The following SASH1 variants were observed in gnomAD, a reference collection of about 807,000 sequenced individuals.
SASH1 encodes the protein SAM and SH3 domain-containing protein 1.
SASH1 carries 44 observed loss-of-function variants against 125.2 expected under a neutral mutation model. The observed-to-expected ratio is 0.35, with a 90% confidence interval of 0.28 to 0.45. SASH1 has a LOEUF of 0.45. SASH1 is among the 20% of genes least tolerant of loss of function. The pLI is 1.00. For missense variants in SASH1, 1,426 were observed against 1,614.5 expected, an observed-to-expected ratio of 0.88 and a Z score of 2.00; for synonymous variants, 639 against 649.1, an observed-to-expected ratio of 0.98 and a Z score of 0.24.
intron 7 of SASH1, among the ~76,000 whole-genome samples, chr6:148,483,743 T>C (rs1469761014): frequency 1.3e-5 from 2 of 152,312 alleles, no homozygotes; most frequent in African/African-American, 2.4e-5. Flanking sequence ...TATGTGAATT[T>C]ATACCTATAG....
chr6:148,548,795 T>A lies in SASH1; in HGVS notation c.*237T>A. The A allele has an allele frequency of 2.3e-6, 1 of 441,350 alleles. No individual in the cohort carries two copies. The highest frequency in any genetic ancestry group is 4.0e-6 in the Non-Finnish European group (1 of 252,194). The allele number at this position is 441,350 out of a possible 1,614,324, so 27.3% of individuals were successfully genotyped here. On this transcript the variant is annotated 3_prime_UTR_variant, in exon 20 of 20. Coordinates refer to ENST00000367467, the MANE Select transcript of SASH1 (RefSeq NM_015278.5). ...GACCCCCAAAGACAAGACAAGCACT[T>A]ATTTTTATTTTCAGAAGACAAAAGA...
chr6:148,398,549 A>T (rs1443605988), intron 2 of SASH1, among the ~76,000 whole-genome samples: 2 of 152,216 alleles, frequency 1.3e-5, no homozygotes, highest in Non-Finnish European at 2.9e-5. Flanking sequence ...CCCCCAGAGC[A>T]TAGAAACACA....
At chr6:148,263,146 C>A in the SASH1 span, among the ~76,000 whole-genome samples, 2 of 152,128 alleles carry the variant, frequency 1.3e-5, no homozygotes, top group East Asian at 1.9e-4. Flanking sequence ...TCCAGGGTAC[C>A]TGGCACAGGA....
At chr6:148,477,887 G>A (rs1387741242) in intron 7 of SASH1, among the ~76,000 whole-genome samples, 5 of 151,878 alleles carry the variant, frequency 3.3e-5, no homozygotes, top group African/African-American at 1.2e-4. Context: ...AGTAGAGACA[G>A]TGTTTCACCA....
intron 8 of SASH1, chr6:148,508,625 ATCAG>A (rs1779940444): frequency 8.7e-7 from 1 of 1,149,762 alleles, no homozygotes; most frequent in Non-Finnish European, 1.1e-6. Flanking sequence ...CGACTGGGGA[ATCAG>A]TCAGCAAGCA....
chr6:148,325,670 T>TCC (rs1303602982), intron 1 of SASH1, among the ~76,000 whole-genome samples: 1 of 152,110 alleles, frequency 6.6e-6, no homozygotes, highest in East Asian at 1.9e-4. Context: ...TATCTCCCAC[T>TCC]GGGTCCCTCA....
chr6:148,513,686 C>T (rs890231434), intron 8 of SASH1: 1 of 985,504 alleles, frequency 1.0e-6, no homozygotes, highest in Admixed American at 6.1e-5. Context: ...CAGCTTTTTC[C>T]CTTGTCTCTC....
intron 8 of SASH1, among the ~76,000 whole-genome samples, chr6:148,493,270 G>C (rs1779185517): frequency 6.6e-6 from 1 of 152,112 alleles, no homozygotes; most frequent in East Asian, 1.9e-4. Flanking sequence ...GTATATATAT[G>C]ACCCTTGCCC....
chr6:148,369,977 A>AC (rs1782647131), intron 1 of SASH1, among the ~76,000 whole-genome samples: 2 of 144,892 alleles, frequency 1.4e-5, no homozygotes, highest in East Asian at 2.7e-4. Flanking sequence ...AAAAAAAAAA[A>AC]AAAAAAAAAG....
intron 1 of SASH1, among the ~76,000 whole-genome samples, chr6:148,367,647 G>A (rs918627845): frequency 2.6e-5 from 4 of 152,360 alleles, no homozygotes; most frequent in East Asian, 3.9e-4. Context: ...GCCTCTATCT[G>A]TATCTGGCCT....
chr6:148,442,848 A>G (rs1038227271), intron 4 of SASH1, among the ~76,000 whole-genome samples: 7 of 151,810 alleles, frequency 4.6e-5, no homozygotes, highest in African/African-American at 1.7e-4. Flanking sequence ...ATCTCGGCTC[A>G]CTGCAACCTC....
rs36114725 is a variant in SASH1 at position 148,458,966 on chromosome 6, C to CAA, written c.387-9567_387-9566dup. On this transcript the variant is annotated intron_variant, in intron 4 of 19. Transcript: ENST00000367467. ...TGGGTGATAGAGCAAGAACCTGTCT[C>CAA]AAAAAAAAAAAAAGTATACACACAC... 1.6e-3 allele frequency among the ~76,000 whole-genome samples: 210 copies of CAA among 132,892 alleles called. 1 individual carries two copies. Among genetic ancestry groups the CAA allele is most frequent in the African/African-American group, 4.5e-3 (153 of 34,166 alleles). The allele number at this position is 132,892 out of a possible 152,430, so 87.2% of individuals were successfully genotyped here. A position where few individuals can be genotyped will look rare whatever the true frequency, so the allele number is the denominator to read the frequency against.
the SASH1 span, among the ~76,000 whole-genome samples, chr6:148,206,063 C>A: frequency 6.6e-6 from 1 of 152,124 alleles, no homozygotes; most frequent in South Asian, 2.1e-4. Flanking sequence ...TTGCACTTTA[C>A]AAATGTCAGC....
chr6:148,316,509 G>A (rs749511775), intron 1 of SASH1, among the ~76,000 whole-genome samples: 4 of 152,214 alleles, frequency 2.6e-5, no homozygotes, highest in Non-Finnish European at 5.9e-5. Context: ...AACAGCACAC[G>A]GCCCGCTTCA....
chr6:148,462,824 G>A (rs552620086), intron 4 of SASH1, among the ~76,000 whole-genome samples: 51 of 152,302 alleles, frequency 3.3e-4, no homozygotes, highest in Non-Finnish European at 4.7e-4. Flanking sequence ...GGAGTCTGGG[G>A]AAGAGGGTGA....
At chr6:148,508,418 G>A (rs957678312) in intron 8 of SASH1, 38 of 964,188 alleles carry the variant, frequency 3.9e-5, no homozygotes, top group African/African-American at 1.1e-4. Context: ...TCAGATTCTC[G>A]CGTTCTTTTT....
At position 148,483,976 on chromosome 6, in the gene SASH1, A is replaced by AACTT. The variant is rs779008083; in HGVS notation, c.628-3636_628-3633dup. ...ATTTATCTCAAAAGAAGCAGAAAAG[A>AACTT]ACTTAATCACAGTCTTCAAGTGCCT... On this transcript the variant is annotated intron_variant, in intron 7 of 19. Transcript: ENST00000367467. 8.5e-5 allele frequency among the ~76,000 whole-genome samples: 13 copies of AACTT among 152,330 alleles called. No individual in the cohort carries two copies. In the South Asian group the frequency reaches 2.5e-3, roughly 29 times the overall value.
chr6:148,383,580 T>G (rs1210938896), intron 1 of SASH1, among the ~76,000 whole-genome samples: 1 of 152,176 alleles, frequency 6.6e-6, no homozygotes, highest in Non-Finnish European at 1.5e-5. Flanking sequence ...GCATACAATC[T>G]GCATGCAACA....
At chr6:148,423,917 A>G (rs990993205) in intron 2 of SASH1, among the ~76,000 whole-genome samples, 2 of 152,050 alleles carry the variant, frequency 1.3e-5, no homozygotes, top group African/African-American at 4.8e-5. Context: ...ACGATAAATT[A>G]TACCACAATA....
Sources: allele counts gnomAD v4.1 joint callset (sites outside exome capture counted in the v4.1 genomes callset), GRCh38; gene constraint gnomAD v4.1.1; transcripts MANE v1.5; gene names NCBI Gene and HGNC (gene_info 2026-07-23, HGNC 2026-07-21).